IL11RA: variants seen among roughly 807,000 people sequenced by gnomAD.
IL11RA encodes the protein interleukin-11 receptor subunit alpha.
In IL11RA, 51 loss-of-function variants were observed where a neutral mutation model predicts 57.0. The observed-to-expected ratio is 0.89, with a 90% CI of 0.71 to 1.13. The LOEUF is 1.13. Among genes scored for constraint, IL11RA ranks in the 50% most tolerant of loss-of-function variants. The pLI is 0.00. For missense variants in IL11RA, 498 were observed against 539.4 expected (o/e 0.92, Z 0.76); for synonymous variants, 199 against 217.5 (o/e 0.91, Z 0.75).
At position 34,657,312 on chromosome 9, in the gene IL11RA, A is replaced by T. The variant is rs769572458; in HGVS notation, c.456A>T (p.Thr152=). 3.1e-6 allele frequency: 5 copies of T among 1,614,166 alleles called. No homozygotes were observed. The highest frequency in any genetic ancestry group is 4.2e-6 in the Non-Finnish European group (5 of 1,180,022). ...TRYLTSYRKK[T]VLGADSQRRS... ...GCCCCCTCCCCACCAGGAAGAAGAC[A>T]GTCCTAGGAGCTGATAGCCAGAGGT... Residue 152 remains threonine (T), a synonymous_variant, in exon 6 of 13, where the codon ACA becomes ACT. Coordinates refer to ENST00000441545, the MANE Select transcript of IL11RA (RefSeq NM_001142784.3).
chr9:34,657,018 G>A lies in IL11RA; in HGVS notation c.332-17G>A, dbSNP rs771887245. The A allele has an allele frequency of 6.2e-6, 10 of 1,612,260 alleles. No individual in the cohort carries two copies. The African/African-American group carries it at 1.3e-4, about 22-fold the overall frequency. Reference sequence around the variant, plus strand: ...CCTGAGGACTGCTCAGTCTCCAGGTGTACCCTCTGCCTCTAGACCCTCCAG... The same window carrying A: ...CCTGAGGACTGCTCAGTCTCCAGGTATACCCTCTGCCTCTAGACCCTCCAG... On this transcript the variant is annotated splice_polypyrimidine_tract_variant and intron_variant, in intron 4 of 12. Coordinates refer to ENST00000441545, the MANE Select transcript of IL11RA (RefSeq NM_001142784.3).
At position 34,660,539 on chromosome 9, in the gene IL11RA, G is replaced by C; in HGVS notation, c.1108G>C (p.Ala370Pro). ...RDSVEQVAVLASLGILSFLGL... is the reference protein window; with the variant it reads ...RDSVEQVAVLPSLGILSFLGL... ...CTCTGTGGAGCAGGTAGCTGTGCTGGCGTCTTTGGGAATCCTTTCTTTCCT... is the reference window on the plus strand; with the variant it reads ...CTCTGTGGAGCAGGTAGCTGTGCTGCCGTCTTTGGGAATCCTTTCTTTCCT... The change falls in exon 11 of 13, where the codon GCG becomes CCG. Residue 370 changes from alanine (A) to proline (P), a missense_variant. Ala to Pro is a conservative substitution (Grantham distance 27). Coordinates refer to ENST00000441545, the MANE Select transcript of IL11RA (RefSeq NM_001142784.3). The C allele has an allele frequency of 6.2e-7, 1 of 1,614,202 alleles. No individual in the cohort carries two copies.
rs948156033 is a variant in IL11RA, at chr9:34,653,763, G to A, written c.1-1455G>A. The A allele has an allele frequency of 6.6e-6, 1 of 152,334 alleles. No individual in the cohort carries two copies. Among genetic ancestry groups the A allele is most frequent in the African/African-American group, 2.4e-5 (1 of 41,374 alleles). 9.4% of individuals were successfully genotyped at this position (152,334 alleles called of 1,614,324 possible). On this transcript the variant is annotated intron_variant, in intron 1 of 12. Transcript: ENST00000441545. This position sits in a 1 kb window ranked among gnomAD's most constrained non-coding sequence, Gnocchi z 4.5. ...TCTGTGGCTTCCTTTCCAGACTTGGGGGAGGCCTCTTCCCTTCCCAGGGCC... is the reference window on the plus strand; with the variant it reads ...TCTGTGGCTTCCTTTCCAGACTTGGAGGAGGCCTCTTCCCTTCCCAGGGCC...
At position 34,660,168 on chromosome 9, in the gene IL11RA, C is replaced by T. The variant is rs1821424743; in HGVS notation, c.953-106C>T. 5 of 1,538,238 alleles carry T rather than the reference C, an allele frequency of 3.3e-6. No individual in the cohort carries two copies. In the Admixed American group the frequency reaches 6.7e-5, roughly 21 times the overall value. The stretch of plus-strand genomic sequence containing the variant: ...GCTGGCCATGCCCTATCAGGCTCCT[C>T]CTCCTAGGTACCTTGACTTCCAACC... On this transcript the variant is annotated intron_variant, in intron 9 of 12. Coordinates refer to ENST00000441545, the MANE Select transcript of IL11RA (RefSeq NM_001142784.3).
chr9:34,661,355 G>A, intron 12 of IL11RA, 127 bp from the exon 13 acceptor site: 1 of 1,013,364 alleles, frequency 9.9e-7, no homozygotes, highest in Non-Finnish European at 1.6e-6. Flanking sequence ...GGCTCCCTCA[G>A]AGCTGGGCTC....
intron 1 of IL11RA, among the ~76,000 whole-genome samples, 182 bp downstream of exon 1, chr9:34,652,415 G>A (rs965250671): frequency 1.3e-5 from 2 of 152,202 alleles, no homozygotes; most frequent in Non-Finnish European, 2.9e-5. Context: ...CAGCTAATGT[G>A]ACTGCGTGTG....
At chr9:34,655,530 G>T (rs1057323255) in intron 2 of IL11RA, 75 bp from the exon 3 acceptor site, 1 of 1,374,660 alleles carries the variant, frequency 7.3e-7, no homozygotes, top group Non-Finnish European at 1.0e-6. Flanking sequence ...TTAACAGTCT[G>T]CTTCTTATCT....
Position 34,660,326 on chromosome 9 carries a change from G to C in IL11RA, c.1005G>C (p.Glu335Asp). The change falls in exon 10 of 13, where the codon GAG (glutamate) becomes GAC (aspartate). Residue 335 changes from glutamate (E) to aspartate (D), a missense_variant. Physicochemically the swap from Glu to Asp is conservative, Grantham distance 45. Coordinates refer to ENST00000441545, the MANE Select transcript of IL11RA (RefSeq NM_001142784.3). The stretch of plus-strand genomic sequence containing the variant: ...GGGGCCAGCTACACACGCAGCCAGA[G>C]GTGGAGCCTCAGGTGGACAGCCCTG... The part of the protein sequence containing the change: ...PAWGQLHTQP[E>D]VEPQVDSPAP... 6.2e-7 allele frequency: 1 copy of C among 1,614,236 alleles called. No homozygotes were observed. The highest frequency in any genetic ancestry group is 1.1e-5 in the South Asian group (1 of 91,088).
Position 34,658,604 on chromosome 9 carries a change from C to T in IL11RA, c.731C>T (p.Ala244Val), listed in dbSNP as rs200073973. 9 of 1,614,146 alleles carry T rather than the reference C, an allele frequency of 5.6e-6. No individual in the cohort carries two copies. The East Asian group carries it at 2.0e-4, about 36-fold the overall frequency. Reference sequence around the variant, plus strand: ...CTGCGAGCCAGCTGGACATACCCTGCCTCCTGGCCGTGCCAGCCCCACTTC... The same window carrying T: ...CTGCGAGCCAGCTGGACATACCCTGTCTCCTGGCCGTGCCAGCCCCACTTC... ...RRLRASWTYP[A>V]SWPCQPHFLL... Residue 244 changes from alanine (A) to valine (V), a missense_variant, in exon 8 of 13, where the codon GCC becomes GTC. Transcript: ENST00000441545. The surrounding 1 kb of genome is among the most constrained non-coding windows in gnomAD (Gnocchi z 4.0).
At chr9:34,660,770 T>A in intron 11 of IL11RA, 84 bp from the exon 12 acceptor site, 1 of 1,325,244 alleles carries the variant, frequency 7.5e-7, no homozygotes, top group East Asian at 2.3e-5. Context: ...CTGATTCCTC[T>A]CCTGACCCTT....
rs952714469 is a variant in IL11RA at position 34,658,815 on chromosome 9, T to C, written c.810+132T>C. On this transcript the variant is annotated intron_variant, in intron 8 of 12. Transcript: ENST00000441545. The surrounding 1 kb of genome is among the most constrained non-coding windows in gnomAD (Gnocchi z 4.0). ...CAACACTTCCCTGTGGGCCAGGCTT[T>C]GTACTGGGTGCTGGGTTGCAGTGGT... 1 of 992,964 alleles carries C rather than the reference T, an allele frequency of 1.0e-6. No homozygotes were observed. The highest frequency in any genetic ancestry group is 1.6e-5 in the African/African-American group (1 of 62,708). 61.5% of individuals were successfully genotyped at this position (992,964 alleles called of 1,614,324 possible). A position where few individuals can be genotyped will look rare whatever the true frequency, so the allele number is the denominator to read the frequency against.
Position 34,660,590 on chromosome 9 carries a change from C to G in IL11RA, c.1159C>G (p.Leu387Val). 1 of 1,613,638 alleles carries G rather than the reference C, an allele frequency of 6.2e-7. No individual in the cohort carries two copies. Among genetic ancestry groups the G allele is most frequent in the Non-Finnish European group, 8.5e-7 (1 of 1,179,568 alleles). The change falls in exon 11 of 13, where the codon CTG becomes GTG. Residue 387 changes from leucine (L) to valine (V), a missense_variant. Physicochemically the swap from Leu to Val is conservative, Grantham distance 32. Coordinates refer to ENST00000441545, the MANE Select transcript of IL11RA (RefSeq NM_001142784.3). ...GGGACTGGTGGCTGGGGCCCTGGCA[C>G]TGGGGCTCTGGTAAGTGACTGCCAT... is the stretch of plus-strand genomic sequence containing the variant. ...FLGLVAGALA[L>V]GLWLRLRRGG...
chr9:34,660,642 C>T (rs1321129402), intron 11 of IL11RA, 42 bp downstream of exon 11: 3 of 1,514,198 alleles, frequency 2.0e-6, no homozygotes, highest in Admixed American at 1.7e-5. Context: ...GATCCTCACA[C>T]ATGCTCTGAT....
rs1379740933 is a variant in IL11RA, at chr9:34,658,649, A to G, written c.776A>G (p.Gln259Arg). ...CACTTCCTGCTCAAGTTCCGTTTGCAGTACCGTCCGGCGCAGCATCCAGCC... is the reference window on the plus strand; with the variant it reads ...CACTTCCTGCTCAAGTTCCGTTTGCGGTACCGTCCGGCGCAGCATCCAGCC... ...QPHFLLKFRL[Q>R]YRPAQHPAWS... is the part of the protein sequence containing the mutation. Residue 259 changes from glutamine (Q) to arginine (R), a missense_variant, in exon 8 of 13, where the codon CAG becomes CGG. Gln to Arg is a conservative substitution (Grantham distance 43). Coordinates refer to ENST00000441545, the MANE Select transcript of IL11RA (RefSeq NM_001142784.3). The surrounding 1 kb of genome is among the most constrained non-coding windows in gnomAD (Gnocchi z 4.0). 6.2e-7 allele frequency: 1 copy of G among 1,613,836 alleles called. No homozygotes were observed. Among genetic ancestry groups the G allele is most frequent in the Non-Finnish European group, 8.5e-7 (1 of 1,180,034 alleles).
chr9:34,656,039 T>C, intron 3 of IL11RA: 4 of 310,274 alleles, frequency 1.3e-5, no homozygotes, highest in Admixed American at 8.5e-5. Flanking sequence ...GGTTACTTTT[T>C]TTTTTTTTTT....
chr9:34,656,866 C>G lies in IL11RA; in HGVS notation c.289C>G (p.Leu97Val). 1 of 1,614,170 alleles carries G rather than the reference C, an allele frequency of 6.2e-7. No homozygotes were observed. Among genetic ancestry groups the G allele is most frequent in the Non-Finnish European group, 8.5e-7 (1 of 1,180,028 alleles). Reference protein sequence around the residue: ...TDEGTYICQTLDGALGGTVTL... With the variant: ...TDEGTYICQTVDGALGGTVTL... Reference sequence around the variant, plus strand: ...TGAGGGCACCTACATCTGCCAGACCCTGGATGGTGCACTTGGGGGCACAGT... The same window carrying G: ...TGAGGGCACCTACATCTGCCAGACCGTGGATGGTGCACTTGGGGGCACAGT... Residue 97 changes from leucine (L) to valine (V), a missense_variant, in exon 4 of 13, where the codon CTG (leucine) becomes GTG (valine). Coordinates refer to ENST00000441545, the MANE Select transcript of IL11RA (RefSeq NM_001142784.3).
rs1360823996 is a variant in IL11RA at position 34,653,240 on chromosome 9, G to GT, written c.-1+1008dup. On this transcript the variant is annotated intron_variant, in intron 1 of 12. Coordinates refer to ENST00000441545, the MANE Select transcript of IL11RA (RefSeq NM_001142784.3). This position sits in a 1 kb window ranked among gnomAD's most constrained non-coding sequence, Gnocchi z 4.5. ...TGTGACTGCGTGAGTGTATGAATATGTGTAAGTGTGTCTGAGTCTGAGGCG... is the reference window on the plus strand; with the variant it reads ...TGTGACTGCGTGAGTGTATGAATATGTTGTAAGTGTGTCTGAGTCTGAGGCG... 2.6e-5 allele frequency among the ~76,000 whole-genome samples: 4 copies of GT among 152,222 alleles called. No individual in the cohort carries two copies. The highest frequency in any genetic ancestry group is 4.4e-5 in the Non-Finnish European group (3 of 68,042).
rs11336 is a variant in IL11RA at position 34,661,681 on chromosome 9, C to T, written c.*183C>T. ...AAAGGTGCTTGTACCTCTGATTTCA[C>T]CCCAGAGTTGGAGTTCTGCTCAAGG... On this transcript the variant is annotated 3_prime_UTR_variant, in exon 13 of 13. Transcript: ENST00000441545. 8.3e-3 allele frequency: 6,303 copies of T among 760,554 alleles called. 228 individuals are homozygous for T. The African/African-American group carries it at 0.086, about 10-fold the overall frequency. The allele number at this position is 760,554 out of a possible 1,614,324, so 47.1% of individuals were successfully genotyped here.
chr9:34,658,800 C>T lies in IL11RA; in HGVS notation c.810+117C>T. Reference sequence around the variant, plus strand: ...AGGTCACTGAAGACCCAACACTTCCCTGTGGGCCAGGCTTTGTACTGGGTG... The same window carrying T: ...AGGTCACTGAAGACCCAACACTTCCTTGTGGGCCAGGCTTTGTACTGGGTG... On this transcript the variant is annotated intron_variant, in intron 8 of 12. Coordinates refer to ENST00000441545, the MANE Select transcript of IL11RA (RefSeq NM_001142784.3). This position sits in a 1 kb window ranked among gnomAD's most constrained non-coding sequence, Gnocchi z 4.0. The T allele has an allele frequency of 8.6e-7, 1 of 1,159,718 alleles. No individual in the cohort carries two copies. The highest frequency in any genetic ancestry group is 1.3e-6 in the Non-Finnish European group (1 of 793,406). 71.8% of individuals were successfully genotyped at this position (1,159,718 alleles called of 1,614,324 possible).
Sources: gnomAD v4.1 joint callset for allele counts (sites outside exome capture counted in the v4.1 genomes callset) on GRCh38, gnomAD v4.1.1 for gene constraint, Gnocchi (gnomAD v3.1) non-coding constraint, MANE v1.5 for transcripts, NCBI Gene and HGNC (gene_info 2026-07-23, HGNC 2026-07-21) for gene names.